WWOX: variants seen among roughly 807,000 people sequenced by gnomAD.
WWOX encodes the protein WW domain containing oxidoreductase, also known as WW domain-containing oxidoreductase.
WWOX carries 69 observed loss-of-function variants against 46.2 expected under a neutral mutation model. The observed-to-expected ratio is 1.49, with a 90% confidence interval of 1.23 to 1.82. The LOEUF is 1.82. Ranked by LOEUF, WWOX falls within the 40% of genes most tolerant of loss-of-function variation. The probability of loss-of-function intolerance (pLI) is 0.00; values close to 1 mark genes in which losing one functional copy is unlikely to be tolerated. For synonymous variants in WWOX, 359 were observed against 202.6 expected (o/e 1.77, Z -6.56); for missense variants, 919 against 542.6 (o/e 1.69, Z -6.89).
At chr16:78,121,515 G>T (rs1597228831) in intron 4 of WWOX, among the ~76,000 whole-genome samples, 1 of 152,292 alleles carries the variant, frequency 6.6e-6, no homozygotes, top group Non-Finnish European at 1.5e-5. Flanking sequence ...TAAAGGAAGA[G>T]ACCAATTTAA....
chr16:78,410,167 G>A lies in WWOX; in HGVS notation c.606-14703G>A, dbSNP rs931883211. On this transcript the variant is annotated intron_variant, in intron 6 of 8. Transcript: ENST00000566780. Reference sequence around the variant, plus strand: ...GCTGCCTACTCCCCTTTTGCCTTCCGCCATGACTGTAAGCCTCCTGAGGCC... The same window carrying A: ...GCTGCCTACTCCCCTTTTGCCTTCCACCATGACTGTAAGCCTCCTGAGGCC... Among the ~76,000 whole-genome samples, 13 of 152,116 alleles carry A rather than the reference G, an allele frequency of 8.5e-5. 1 individual carries two copies. The highest frequency in any genetic ancestry group is 5.9e-4 in the Admixed American group (9 of 15,262).
chr16:78,397,011 T>C (rs963288604), intron 6 of WWOX, among the ~76,000 whole-genome samples: 3 of 152,200 alleles, frequency 2.0e-5, no homozygotes, highest in South Asian at 2.1e-4. Flanking sequence ...ATGAGAAATA[T>C]ATTCTGTTTT....
chr16:78,741,762 G>T (rs544160089), intron 8 of WWOX, among the ~76,000 whole-genome samples: 1 of 152,090 alleles, frequency 6.6e-6, no homozygotes, highest in South Asian at 2.1e-4. Context: ...GGCTGAGGCA[G>T]GAGAATTGCT....
chr16:78,731,656 T>C (rs2048970881), intron 8 of WWOX, among the ~76,000 whole-genome samples: 1 of 152,138 alleles, frequency 6.6e-6, no homozygotes, highest in African/African-American at 2.4e-5. Flanking sequence ...TGCATTCAAG[T>C]ACTCATGTGT....
rs950024200 is a variant in WWOX, at chr16:78,406,361, T to A, written c.606-18509T>A. Among the ~76,000 whole-genome samples, 13 of 122,116 alleles carry A rather than the reference T, an allele frequency of 1.1e-4. 1 individual carries two copies. The highest frequency in any genetic ancestry group is 4.3e-4 in the African/African-American group (12 of 27,710). The allele number at this position is 122,116 out of a possible 152,430, so 80.1% of individuals were successfully genotyped here. On this transcript the variant is annotated intron_variant, in intron 6 of 8. Transcript: ENST00000566780. ...ATATATATATATATATATATTTTAT[T>A]ATTTTTTTTTGAGACGGAGTCTTGC...
chr16:78,463,643 C>T (rs529227565), intron 8 of WWOX, among the ~76,000 whole-genome samples: 1 of 152,280 alleles, frequency 6.6e-6, no homozygotes, highest in South Asian at 2.1e-4. Flanking sequence ...AGTAGGTTCT[C>T]AATAAATCTT....
At chr16:78,493,295 A>G (rs1429536874) in intron 8 of WWOX, among the ~76,000 whole-genome samples, 1 of 152,174 alleles carries the variant, frequency 6.6e-6, no homozygotes, top group African/African-American at 2.4e-5. Context: ...TTTATTTAAG[A>G]CAGGTGGCTA....
At chr16:78,874,684 C>CTTTTTTTTTTTTTTTTTTTTT (rs552696627) in intron 8 of WWOX, among the ~76,000 whole-genome samples, 1 of 83,494 alleles carries the variant, frequency 1.2e-5, no homozygotes, top group Admixed American at 1.8e-4. Flanking sequence ...AGATTTTTTT[C>CTTTTTTTTTTTTTTTTTTTTT]TTTTTTTTTT....
chr16:79,021,834 C>G (rs958605108), intron 8 of WWOX, among the ~76,000 whole-genome samples: 4 of 152,168 alleles, frequency 2.6e-5, no homozygotes, highest in Admixed American at 6.5e-5. Context: ...GTAGCTTGTT[C>G]AATCACACAT....
At chr16:78,956,887 A>G (rs575247953) in intron 8 of WWOX, among the ~76,000 whole-genome samples, 4 of 152,328 alleles carry the variant, frequency 2.6e-5, no homozygotes, top group Admixed American at 6.5e-5. Context: ...GAGCCACTCA[A>G]AATTCTGGGA....
At chr16:78,454,906 G>A (rs891854688) in intron 8 of WWOX, among the ~76,000 whole-genome samples, 1 of 152,228 alleles carries the variant, frequency 6.6e-6, no homozygotes, top group Non-Finnish European at 1.5e-5. Flanking sequence ...ATCACAGTCT[G>A]TTCTTTGGCA....
intron 5 of WWOX, among the ~76,000 whole-genome samples, chr16:78,216,744 A>T (rs957988242): frequency 6.8e-6 from 1 of 147,100 alleles, no homozygotes; most frequent in East Asian, 2.0e-4. Flanking sequence ...TTTTTATTTT[A>T]TTTGTGAGAC....
chr16:78,117,758 A>C (rs1306287534), intron 4 of WWOX, among the ~76,000 whole-genome samples: 6 of 152,198 alleles, frequency 3.9e-5, no homozygotes, highest in African/African-American at 1.2e-4. Flanking sequence ...CTTTACTTCC[A>C]AGACTTCTGG....
chr16:78,629,225 C>G lies in WWOX; in HGVS notation c.1056+196473C>G, dbSNP rs534902366. Among the ~76,000 whole-genome samples, 785 of 140,276 alleles carry G rather than the reference C, an allele frequency of 5.6e-3. 3 individuals carry two copies. The highest frequency in any genetic ancestry group is 8.0e-3 in the Non-Finnish European group (520 of 64,774). 92.0% of individuals were successfully genotyped at this position (140,276 alleles called of 152,430 possible). ...GACTCTGAAAACAGGAAGACTTTTTCTCTTGGGTATTTTATTTTTTTTTCC... is the reference window on the plus strand; with the variant it reads ...GACTCTGAAAACAGGAAGACTTTTTGTCTTGGGTATTTTATTTTTTTTTCC... On this transcript the variant is annotated intron_variant, in intron 8 of 8. Coordinates refer to ENST00000566780, the MANE Select transcript of WWOX (RefSeq NM_016373.4).
rs150387440 is a variant in WWOX at position 78,537,990 on chromosome 16, C to T, written c.1056+105238C>T. ...TCAGTAAATGAAATTCACCTTTCCCCGATTCTTGAAAACGGAAAAGATGAG... is the reference window on the plus strand; with the variant it reads ...TCAGTAAATGAAATTCACCTTTCCCTGATTCTTGAAAACGGAAAAGATGAG... On this transcript the variant is annotated intron_variant, in intron 8 of 8. Coordinates refer to ENST00000566780, the MANE Select transcript of WWOX (RefSeq NM_016373.4). 6.4e-3 allele frequency among the ~76,000 whole-genome samples: 978 copies of T among 151,930 alleles called. 4 individuals are homozygous for T. The highest frequency in any genetic ancestry group is 9.7e-3 in the Non-Finnish European group (661 of 67,968).
chr16:78,896,320 A>G (rs1338356993), intron 8 of WWOX: 1 of 152,102 alleles, frequency 6.6e-6, no homozygotes, highest in Admixed American at 6.6e-5. Flanking sequence ...TTGTAGAATG[A>G]CTGGCTTCCC....
chr16:78,356,242 T>C (rs935688314), intron 5 of WWOX, among the ~76,000 whole-genome samples: 1 of 152,064 alleles, frequency 6.6e-6, no homozygotes. Context: ...TATACACATA[T>C]ATAAAATATA....
chr16:78,363,557 G>A (rs1175102587), intron 5 of WWOX, among the ~76,000 whole-genome samples: 1 of 152,120 alleles, frequency 6.6e-6, no homozygotes, highest in Admixed American at 6.6e-5. Flanking sequence ...GGGAATACAG[G>A]TGTGAGCCAC....
intron 8 of WWOX, among the ~76,000 whole-genome samples, chr16:78,948,039 G>C (rs1027130067): frequency 6.6e-6 from 1 of 152,216 alleles, no homozygotes; most frequent in Non-Finnish European, 1.5e-5. Flanking sequence ...CTGAAGGGCT[G>C]GTGGAGAGGA....
Sources: gnomAD v4.1 joint callset for allele counts (sites outside exome capture counted in the v4.1 genomes callset) on GRCh38, gnomAD v4.1.1 for gene constraint, MANE v1.5 for transcripts, NCBI Gene and HGNC (gene_info 2026-07-23, HGNC 2026-07-21) for gene names.